WDR7: variants seen among roughly 807,000 people sequenced by gnomAD.
WDR7 encodes the protein WD repeat domain 7.
Under a neutral mutation model 169.4 loss-of-function variants are expected in WDR7, and 46 were observed. That is an observed-to-expected ratio of 0.27 (90% CI 0.21 to 0.35). The LOEUF (loss-of-function observed/expected upper bound fraction) is 0.35, where lower values mean the gene tolerates loss of function less well. Among genes scored for constraint, WDR7 ranks in the 10% least tolerant of loss-of-function variants. The pLI, the probability that WDR7 is intolerant of heterozygous loss-of-function variation, is 1.00. For synonymous variants in WDR7, 612 were observed against 666.8 expected (o/e 0.92, Z 1.27); for missense variants, 1,534 against 1,859.3 (o/e 0.83, Z 3.22).
intron 14 of WDR7, among the ~76,000 whole-genome samples, chr18:56,734,441 G>A (rs2026652818): frequency 6.7e-6 from 1 of 149,800 alleles, no homozygotes; most frequent in South Asian, 2.1e-4. Flanking sequence ...CCTCTTTCCA[G>A]TTGTGACAAT....
intron 19 of WDR7, among the ~76,000 whole-genome samples, chr18:56,802,601 C>G (rs1223768084): frequency 6.6e-6 from 1 of 151,310 alleles, no homozygotes; most frequent in African/African-American, 2.4e-5. Flanking sequence ...ATCTCCTGAC[C>G]TCGTGATACA....
intron 1 of WDR7, among the ~76,000 whole-genome samples, chr18:56,670,089 G>T (rs1437045760): frequency 6.6e-6 from 1 of 152,068 alleles, no homozygotes; most frequent in Non-Finnish European, 1.5e-5. Flanking sequence ...AAATGGTTAG[G>T]TCCTGGCTAA....
Position 56,695,192 on chromosome 18 carries a change from A to C in WDR7, c.1351A>C (p.Arg451=), listed in dbSNP as rs2025670915. 3.7e-6 allele frequency: 6 copies of C among 1,614,082 alleles called. No homozygotes were observed. The highest frequency in any genetic ancestry group is 4.2e-6 in the Non-Finnish European group (5 of 1,179,934). ...VQLLQGEHML[R]RGWPPHRTLR... is the part of the protein sequence containing the mutation. The stretch of plus-strand genomic sequence containing the variant: ...GCTGTTGCAAGGGGAACACATGCTC[A>C]GAAGAGGTATACTGAAGAGCTCCGT... Residue 451 remains arginine (R), a synonymous_variant, in exon 11 of 28, where the codon AGA becomes CGA. Coordinates refer to ENST00000254442, the MANE Select transcript of WDR7 (RefSeq NM_015285.3).
intron 26 of WDR7, among the ~76,000 whole-genome samples, chr18:57,001,081 GA>G (rs2047970972): frequency 1.5e-5 from 1 of 66,870 alleles, no homozygotes. Context: ...GAGAGAGAGA[GA>G]GAGAGATGTA....
intron 20 of WDR7, among the ~76,000 whole-genome samples, chr18:56,875,678 C>G (rs1264603474): frequency 1.3e-5 from 2 of 152,104 alleles, no homozygotes; most frequent in Admixed American, 6.5e-5. Context: ...ACTGTTTTTT[C>G]GATCCAGAAA....
intron 3 of WDR7, among the ~76,000 whole-genome samples, chr18:56,680,391 C>G (rs1236251000): frequency 6.6e-6 from 1 of 152,088 alleles, no homozygotes; most frequent in Non-Finnish European, 1.5e-5. Context: ...TTGTTCTCCC[C>G]ACTGAAGAGA....
intron 19 of WDR7, chr18:56,782,185 AT>A (rs1225093267): frequency 6.6e-6 from 1 of 152,188 alleles, no homozygotes; most frequent in African/African-American, 2.4e-5. Flanking sequence ...AATTGTTGAA[AT>A]TTTTTGAATA....
chr18:56,723,608 C>A (rs775503438), intron 13 of WDR7, among the ~76,000 whole-genome samples: 23 of 152,006 alleles, frequency 1.5e-4, no homozygotes, highest in Non-Finnish European at 2.9e-4. Flanking sequence ...CATTTCTTTT[C>A]TCTGGCTCCT....
At chr18:57,009,925 T>A (rs1028367480) in intron 26 of WDR7, 42 of 985,318 alleles carry the variant, frequency 4.3e-5, no homozygotes, top group Non-Finnish European at 4.9e-5. Context: ...CCATCTTCCG[T>A]TAACCATAAC....
Position 57,027,391 on chromosome 18 carries a change from C to A in WDR7, c.*184C>A. ...GGCAGAACCCGCTCGTGCCATCTGTCGATTCAGAGGCACGCACACATGCTC... is the reference window on the plus strand; with the variant it reads ...GGCAGAACCCGCTCGTGCCATCTGTAGATTCAGAGGCACGCACACATGCTC... On this transcript the variant is annotated 3_prime_UTR_variant, in exon 28 of 28. Transcript: ENST00000254442. 1 of 702,160 alleles carries A rather than the reference C, an allele frequency of 1.4e-6. No individual in the cohort carries two copies. Among genetic ancestry groups the A allele is most frequent in the Non-Finnish European group, 2.3e-6 (1 of 429,610 alleles). The allele number at this position is 702,160 out of a possible 1,614,324, so 43.5% of individuals were successfully genotyped here. A position where few individuals can be genotyped will look rare whatever the true frequency, so the allele number is the denominator to read the frequency against.
At position 56,821,818 on chromosome 18, in the gene WDR7, T is replaced by C. The variant is rs189398159; in HGVS notation, c.3304+5674T>C. On this transcript the variant is annotated intron_variant, in intron 20 of 27. Coordinates refer to ENST00000254442, the MANE Select transcript of WDR7 (RefSeq NM_015285.3). ...GAGACTATCCTACACAACAGGGAGA[T>C]ACCCTATCTCTACAAAAAAAAAAAT... Among the ~76,000 whole-genome samples the C allele has an allele frequency of 1.1e-3, 170 of 151,600 alleles. 1 individual carries two copies. Among genetic ancestry groups the C allele is most frequent in the African/African-American group, 4.0e-3 (165 of 41,344 alleles).
At chr18:56,880,596 C>A (rs1239415274) in intron 21 of WDR7, among the ~76,000 whole-genome samples, 1 of 151,996 alleles carries the variant, frequency 6.6e-6, no homozygotes, top group Non-Finnish European at 1.5e-5. Context: ...TAAATAAATT[C>A]TCAACACATA....
chr18:56,994,203 C>T (rs1209418307), intron 26 of WDR7, among the ~76,000 whole-genome samples: 1 of 151,672 alleles, frequency 6.6e-6, no homozygotes, highest in African/African-American at 2.4e-5. Flanking sequence ...TGTATTCTTT[C>T]TGTAGAGATG....
At chr18:56,803,930 G>C (rs1022831474) in intron 19 of WDR7, among the ~76,000 whole-genome samples, 1 of 152,136 alleles carries the variant, frequency 6.6e-6, no homozygotes, top group African/African-American at 2.4e-5. Flanking sequence ...TCAGTAGCTG[G>C]GATTACAGGT....
intron 26 of WDR7, among the ~76,000 whole-genome samples, chr18:56,985,977 G>C (rs1257927588): frequency 6.6e-6 from 1 of 152,098 alleles, no homozygotes; most frequent in Non-Finnish European, 1.5e-5. Context: ...CATTTTTATA[G>C]GAAAGATAGG....
At chr18:56,976,914 C>T (rs553832927) in intron 26 of WDR7, among the ~76,000 whole-genome samples, 2 of 152,290 alleles carry the variant, frequency 1.3e-5, no homozygotes, top group East Asian at 3.9e-4. Flanking sequence ...AACTTGCTGA[C>T]ATCTGCCATG....
chr18:56,939,187 A>G, intron 24 of WDR7, 124 bp from the exon 25 acceptor site: 2 of 610,842 alleles, frequency 3.3e-6, no homozygotes, highest in Non-Finnish European at 5.3e-6. Context: ...TTTTGTTTTT[A>G]TTTTAAATAC....
At position 56,935,866 on chromosome 18, in the gene WDR7, C is replaced by T. The variant is rs751664459; in HGVS notation, c.3792C>T (p.Thr1264=). ...SARHALSLIA[T]ARPPAFITTI... ...GGCATGCCCTCTCGCTCATTGCCAC[C>T]GCCAGACCACCCGCCTTCATCACCA... Residue 1264 remains threonine, a synonymous_variant, in exon 23 of 28, where the codon ACC becomes ACT. Transcript: ENST00000254442. The T allele has an allele frequency of 9.7e-5, 156 of 1,614,008 alleles. No individual in the cohort carries two copies. The highest frequency in any genetic ancestry group is 3.8e-4 in the South Asian group (35 of 91,080).
chr18:56,950,279 T>G (rs2047163487), intron 25 of WDR7, among the ~76,000 whole-genome samples: 1 of 152,216 alleles, frequency 6.6e-6, no homozygotes, highest in Admixed American at 6.5e-5. Flanking sequence ...TATTCTGAAG[T>G]GAAACTGTTC....
Sources: gnomAD v4.1 joint callset for allele counts (sites outside exome capture counted in the v4.1 genomes callset) on GRCh38, gnomAD v4.1.1 for gene constraint, MANE v1.5 for transcripts, NCBI Gene and HGNC (gene_info 2026-07-23, HGNC 2026-07-21) for gene names.